MAML3: variants seen among roughly 807,000 people sequenced by gnomAD.
MAML3 encodes the protein mastermind-like protein 3.
Under a neutral mutation model 101.9 loss-of-function variants are expected in MAML3, and 27 were observed. The ratio of observed to expected loss-of-function variants is 0.27; its 90% confidence interval spans 0.20 to 0.37. The LOEUF (loss-of-function observed/expected upper bound fraction) is 0.37. MAML3 is among the 10% of genes least tolerant of loss of function. The pLI is 1.00. For missense variants in MAML3, 1,316 were observed against 1,444.9 expected, an observed-to-expected ratio of 0.91 and a Z score of 1.45; for synonymous variants, 501 against 555.9, an observed-to-expected ratio of 0.90 and a Z score of 1.39.
chr4:139,743,496 A>G (rs1729226380), intron 2 of MAML3, among the ~76,000 whole-genome samples: 1 of 152,224 alleles, frequency 6.6e-6, no homozygotes, highest in Non-Finnish European at 1.5e-5. Flanking sequence ...ACAATTTCTC[A>G]ATCAGCAATT....
intron 2 of MAML3, among the ~76,000 whole-genome samples, chr4:139,803,897 G>A (rs970166064): frequency 6.6e-6 from 1 of 152,164 alleles, no homozygotes; most frequent in African/African-American, 2.4e-5. Flanking sequence ...TCAATGTGGG[G>A]TCTTGGTTCC....
chr4:139,810,300 C>T (rs1300733145), intron 2 of MAML3, among the ~76,000 whole-genome samples: 2 of 149,714 alleles, frequency 1.3e-5, no homozygotes, highest in Admixed American at 6.7e-5. Context: ...TCAAGTGATA[C>T]TCTGGCCTCA....
rs1000366262 is a variant in MAML3, at chr4:139,890,695, A to G, written c.741T>C (p.Gly247=). Residue 247 remains glycine (G), a synonymous_variant, in exon 2 of 5, where the codon GGT becomes GGC. Transcript: ENST00000509479. The surrounding 1 kb of genome is among the most constrained non-coding windows in gnomAD (Gnocchi z 4.1). ...PGLLEDLSKN[G]RLPEIKLPVN... The stretch of plus-strand genomic sequence containing the variant: ...CAGGAAGTTTAATCTCAGGGAGCCT[A>G]CCATTCTTACTTAGATCTTCTAGAA... 1 of 1,613,974 alleles carries G rather than the reference A, an allele frequency of 6.2e-7. No homozygotes were observed. Among genetic ancestry groups the G allele is most frequent in the Non-Finnish European group, 8.5e-7 (1 of 1,179,884 alleles).
chr4:139,889,932 G>T lies in MAML3; in HGVS notation c.1504C>A (p.Gln502Lys), dbSNP rs768071174. Residue 502 changes from glutamine to lysine, a missense_variant, in exon 2 of 5, where the codon CAG becomes AAG. Physicochemically the swap from Gln to Lys is moderately conservative, Grantham distance 53 (BLOSUM62 1). Coordinates refer to ENST00000509479, the MANE Select transcript of MAML3 (RefSeq NM_018717.5). ...TGTTGCTGCTGCTGCTGCTGCTGCT[G>T]CTGCTGCTGCTGCTGCTGCTGCTGC... ...QQQQQQQQQQQQQQQQQQQHS... is the reference protein window; with the variant it reads ...QQQQQQQQQQKQQQQQQQQHS... The T allele has an allele frequency of 1.6e-5, 3 of 183,334 alleles. No homozygotes were observed. The highest frequency in any genetic ancestry group is 2.3e-5 in the Non-Finnish European group (3 of 130,242). The allele number at this position is 183,334 out of a possible 1,614,324, so 11.4% of individuals were successfully genotyped here. A position where few individuals can be genotyped will look rare whatever the true frequency, so the allele number is the denominator to read the frequency against.
At chr4:139,884,509 G>A (rs2111191016) in intron 2 of MAML3, among the ~76,000 whole-genome samples, 1 of 152,304 alleles carries the variant, frequency 6.6e-6, no homozygotes, top group South Asian at 2.1e-4. Flanking sequence ...TTCCCTTTCT[G>A]CTCTTCCCCA....
chr4:139,986,575 A>G (rs1232336733), intron 1 of MAML3, among the ~76,000 whole-genome samples: 1 of 152,128 alleles, frequency 6.6e-6, no homozygotes, highest in East Asian at 1.9e-4. Flanking sequence ...CTCAAGTCTT[A>G]CAATTAATAT....
intron 2 of MAML3, among the ~76,000 whole-genome samples, chr4:139,816,587 G>T (rs1470076610): frequency 6.6e-6 from 1 of 152,110 alleles, no homozygotes; most frequent in Non-Finnish European, 1.5e-5. Context: ...TAATTCTCAT[G>T]CAAGGGCCCC....
chr4:140,101,151 C>T lies in MAML3; in HGVS notation c.468+51709G>A, dbSNP rs556649042. ...CGCTACATGGAATAGAAGAATCACTCAGCTGAGCCCTGCTTGAACAAAATC... is the reference window on the plus strand; with the variant it reads ...CGCTACATGGAATAGAAGAATCACTTAGCTGAGCCCTGCTTGAACAAAATC... On this transcript the variant is annotated intron_variant, in intron 1 of 4. Coordinates refer to ENST00000509479, the MANE Select transcript of MAML3 (RefSeq NM_018717.5). Among the ~76,000 whole-genome samples the T allele has an allele frequency of 1.1e-4, 16 of 152,278 alleles. No homozygotes were observed. In the South Asian group the frequency reaches 3.1e-3, roughly 30 times the overall value.
intron 2 of MAML3, among the ~76,000 whole-genome samples, chr4:139,829,072 G>A (rs1434956413): frequency 6.8e-6 from 1 of 147,272 alleles, no homozygotes; most frequent in Non-Finnish European, 1.5e-5. Context: ...AAGGAAGGAA[G>A]GAAGCAAGGA....
intron 2 of MAML3, among the ~76,000 whole-genome samples, chr4:139,782,877 T>A (rs1730242098): frequency 1.3e-5 from 2 of 152,298 alleles, no homozygotes; most frequent in South Asian, 4.1e-4. Flanking sequence ...ATTTTTTCCC[T>A]CCATCTTTCA....
At chr4:139,733,917 C>A (rs571714396) in intron 2 of MAML3, among the ~76,000 whole-genome samples, 1 of 152,344 alleles carries the variant, frequency 6.6e-6, no homozygotes, top group Non-Finnish European at 1.5e-5. Flanking sequence ...GTCTTGAACT[C>A]CTGGCCTCAA....
In MAML3 at chr4:140,127,108, T is replaced by C. The variant is rs140068512; in HGVS notation, c.468+25752A>G. ...CTCTTCTCCTATGTCATAGGGCTTATGCTTCTGAGCGTGGCAGATAAGGCC... is the reference window on the plus strand; with the variant it reads ...CTCTTCTCCTATGTCATAGGGCTTACGCTTCTGAGCGTGGCAGATAAGGCC... On this transcript the variant is annotated intron_variant, in intron 1 of 4. Coordinates refer to ENST00000509479, the MANE Select transcript of MAML3 (RefSeq NM_018717.5). Among the ~76,000 whole-genome samples, 3 of 152,362 alleles carry C rather than the reference T, an allele frequency of 2.0e-5. No individual in the cohort carries two copies. In the East Asian group the frequency reaches 5.8e-4, roughly 29 times the overall value.
intron 1 of MAML3, among the ~76,000 whole-genome samples, chr4:140,055,860 A>T (rs1454887952): frequency 5.9e-5 from 8 of 135,634 alleles, no homozygotes; most frequent in East Asian, 4.0e-4. Flanking sequence ...TTAGTAGTTT[A>T]AAAAAAAAAA....
chr4:139,878,390 C>T (rs991943435), intron 2 of MAML3, among the ~76,000 whole-genome samples: 1 of 152,162 alleles, frequency 6.6e-6, no homozygotes, highest in Non-Finnish European at 1.5e-5. Context: ...ATCTCCCTGA[C>T]CAGACTGCAC....
chr4:139,786,415 T>C (rs944309123), intron 2 of MAML3, among the ~76,000 whole-genome samples: 3 of 152,128 alleles, frequency 2.0e-5, no homozygotes, highest in Non-Finnish European at 2.9e-5. Flanking sequence ...TTAGCTGATA[T>C]ATGGCTTATG....
At chr4:139,857,202 G>C (rs1267071285) in intron 2 of MAML3, among the ~76,000 whole-genome samples, 1 of 152,156 alleles carries the variant, frequency 6.6e-6, no homozygotes, top group Non-Finnish European at 1.5e-5. Flanking sequence ...GATTAAGAAA[G>C]ATAAACAGTA....
intron 1 of MAML3, among the ~76,000 whole-genome samples, chr4:140,123,980 G>A (rs1480878410): frequency 6.6e-6 from 1 of 152,144 alleles, no homozygotes; most frequent in African/African-American, 2.4e-5. Flanking sequence ...AAGCGACTAA[G>A]GCTTGAAATG....
intron 1 of MAML3, among the ~76,000 whole-genome samples, chr4:140,098,630 A>G (rs1728199985): frequency 6.6e-6 from 1 of 152,242 alleles, no homozygotes; most frequent in Non-Finnish European, 1.5e-5. Flanking sequence ...ATTATTTTCA[A>G]TATCTCATGG....
chr4:139,927,072 CTTTTTTT>C (rs61573991), intron 1 of MAML3, among the ~76,000 whole-genome samples: 2 of 134,730 alleles, frequency 1.5e-5, no homozygotes, highest in Admixed American at 7.4e-5. Flanking sequence ...TTTCTTTTTT[CTTTTTTT>C]TTTTTTTGTA....
Sources: gnomAD v4.1 joint callset for allele counts (sites outside exome capture counted in the v4.1 genomes callset) on GRCh38, gnomAD v4.1.1 for gene constraint, Gnocchi (gnomAD v3.1) non-coding constraint, MANE v1.5 for transcripts, NCBI Gene and HGNC (gene_info 2026-07-23, HGNC 2026-07-21) for gene names.